The following DOCK1 variants were observed in gnomAD, a reference collection of about 807,000 sequenced individuals.
DOCK1 encodes dedicator of cytokinesis protein 1.
Under a neutral mutation model 262.7 loss-of-function variants are expected in DOCK1, and 138 were observed. The ratio of observed to expected loss-of-function variants is 0.53; its 90% confidence interval spans 0.46 to 0.61. DOCK1 has a LOEUF of 0.61. DOCK1 is among the 20% of genes least tolerant of loss of function. The pLI is 0.00. For missense variants in DOCK1, 1,908 were observed against 2,370.7 expected (o/e 0.80, Z 4.05); for synonymous variants, 866 against 867.4 (o/e 1.00, Z 0.03).
chr10:127,226,441 C>A (rs553797099), intron 27 of DOCK1, among the ~76,000 whole-genome samples: 2 of 152,028 alleles, frequency 1.3e-5, no homozygotes, highest in African/African-American at 4.8e-5. Flanking sequence ...TCTGCCCAGC[C>A]CCCATAAATA....
chr10:127,093,851 A>G (rs2047738515), intron 23 of DOCK1, among the ~76,000 whole-genome samples: 1 of 152,184 alleles, frequency 6.6e-6, no homozygotes, highest in East Asian at 1.9e-4. Flanking sequence ...AATGAACAGC[A>G]GTTTACTGGC....
intron 7 of DOCK1, 107 bp downstream of exon 7, chr10:126,996,990 A>C: frequency 1.6e-6 from 2 of 1,269,768 alleles, no homozygotes; most frequent in South Asian, 3.4e-5. Flanking sequence ...AGAACCTGAA[A>C]AGGAGTAGCT....
At chr10:127,381,919 G>A (rs1314290574) in intron 37 of DOCK1, among the ~76,000 whole-genome samples, 8 of 151,964 alleles carry the variant, frequency 5.3e-5, no homozygotes, top group Non-Finnish European at 1.0e-4. Context: ...TTATTACTCA[G>A]ATAGCTTCAG....
chr10:126,945,420 C>T (rs945518195), intron 1 of DOCK1, among the ~76,000 whole-genome samples: 4 of 142,430 alleles, frequency 2.8e-5, no homozygotes, highest in African/African-American at 7.9e-5. Context: ...GAGGGTGCAG[C>T]GGAGAGGGGG....
chr10:127,032,533 A>C (rs574938137), intron 18 of DOCK1, among the ~76,000 whole-genome samples: 1 of 152,214 alleles, frequency 6.6e-6, no homozygotes, highest in South Asian at 2.1e-4. Flanking sequence ...CTCTGGTCTA[A>C]GGGTTATTCT....
chr10:127,283,935 T>G (rs1446654863), intron 29 of DOCK1, among the ~76,000 whole-genome samples: 1 of 152,214 alleles, frequency 6.6e-6, no homozygotes, highest in Non-Finnish European at 1.5e-5. Context: ...ATTGTCAAAT[T>G]GCTTTCCAAA....
chr10:126,911,300 G>T (rs1430709835), intron 1 of DOCK1, among the ~76,000 whole-genome samples: 1 of 152,216 alleles, frequency 6.6e-6, no homozygotes, highest in Non-Finnish European at 1.5e-5. Flanking sequence ...GAGCCAGCGT[G>T]CAGCTCCCTG....
At chr10:127,343,794 T>A in intron 31 of DOCK1, 48 bp downstream of exon 31, 2 of 1,398,192 alleles carry the variant, frequency 1.4e-6, no homozygotes, top group Non-Finnish European at 2.0e-6. Context: ...CCTCCAACTC[T>A]AATCGCATAA....
intron 40 of DOCK1, among the ~76,000 whole-genome samples, chr10:127,405,233 A>G (rs1490354998): frequency 6.6e-6 from 1 of 152,186 alleles, no homozygotes; most frequent in Admixed American, 6.5e-5. Context: ...TGAGACAGGC[A>G]TGTGCTTTCA....
intron 23 of DOCK1, among the ~76,000 whole-genome samples, chr10:127,090,976 C>G (rs1228223609): frequency 1.4e-5 from 2 of 144,540 alleles, no homozygotes; most frequent in East Asian, 4.0e-4. Flanking sequence ...GTTTGAACGT[C>G]TATTTGGTTT....
At chr10:127,042,597 T>C in intron 19 of DOCK1, 28 bp from the exon 20 acceptor site, 1 of 1,608,126 alleles carries the variant, frequency 6.2e-7, no homozygotes. Context: ...GGGTTCACAT[T>C]GTCACCCGAC....
intron 21 of DOCK1, among the ~76,000 whole-genome samples, chr10:127,044,305 G>T (rs1371705653): frequency 1.3e-5 from 2 of 152,134 alleles, no homozygotes; most frequent in African/African-American, 4.8e-5. Flanking sequence ...TTTCATATCT[G>T]CCTCGTGTGC....
chr10:127,356,569 G>A (rs2064154403), intron 32 of DOCK1, among the ~76,000 whole-genome samples: 1 of 152,166 alleles, frequency 6.6e-6, no homozygotes, highest in Admixed American at 6.5e-5. Flanking sequence ...AGGCCAGACG[G>A]CAGGCCCCAC....
intron 28 of DOCK1, among the ~76,000 whole-genome samples, chr10:127,252,119 C>T (rs1227197062): frequency 1.4e-5 from 2 of 146,604 alleles, no homozygotes; most frequent in African/African-American, 2.5e-5. Flanking sequence ...TTTTGATTTG[C>T]ATTTCTCTGA....
intron 29 of DOCK1, among the ~76,000 whole-genome samples, chr10:127,318,354 T>A (rs2062373571): frequency 6.6e-6 from 1 of 152,142 alleles, no homozygotes. Context: ...ATGACAGGTG[T>A]GATCCCAGCA....
chr10:127,159,907 C>G (rs1409891880), intron 27 of DOCK1, among the ~76,000 whole-genome samples: 1 of 152,152 alleles, frequency 6.6e-6, no homozygotes, highest in Non-Finnish European at 1.5e-5. Context: ...TGGACGGCAT[C>G]TGCTCTTTCA....
chr10:127,018,562 T>C (rs2042180508), intron 12 of DOCK1, 148 bp from the exon 13 acceptor site: 1 of 1,277,084 alleles, frequency 7.8e-7, no homozygotes, highest in South Asian at 1.4e-5. Context: ...CCTTTTGCCT[T>C]GCCCCTCTCT....
intron 1 of DOCK1, among the ~76,000 whole-genome samples, chr10:126,942,746 GTT>G (rs2134267113): frequency 6.6e-6 from 1 of 152,226 alleles, no homozygotes; most frequent in South Asian, 2.1e-4. Flanking sequence ...GATCTGTCCT[GTT>G]GGGAAGCTTC....
intron 1 of DOCK1, among the ~76,000 whole-genome samples, chr10:126,948,697 G>A (rs1021252416): frequency 3.0e-4 from 46 of 152,060 alleles, no homozygotes; most frequent in African/African-American, 8.4e-4. Flanking sequence ...CTCACCTCTC[G>A]GAGCCTGTGA....
Sources: gnomAD v4.1 joint callset for allele counts (sites outside exome capture counted in the v4.1 genomes callset) on GRCh38, gnomAD v4.1.1 for gene constraint, MANE v1.5 for transcripts, NCBI Gene and HGNC (gene_info 2026-07-23, HGNC 2026-07-21) for gene names.